Variants in NRG4 observed in about 807,000 individuals in gnomAD.
The protein encoded by NRG4 is neuregulin 4, also known as pro-neuregulin-4, membrane-bound isoform.
NRG4 carries 10 observed loss-of-function variants against 15.0 expected under a neutral mutation model. The observed-to-expected ratio is 0.67, with a 90% CI of 0.41 to 1.13. The LOEUF is 1.13. Ranked by LOEUF, NRG4 falls within the 50% of genes most tolerant of loss-of-function variation. The pLI, the probability that NRG4 is intolerant of heterozygous loss-of-function variation, is 0.00. For synonymous variants in NRG4, 41 were observed against 50.1 expected (o/e 0.82, Z 0.77); for missense variants, 139 against 140.2 (o/e 0.99, Z 0.04).
chr15:75,944,522 G>A (rs1329018293), intron 5 of NRG4, among the ~76,000 whole-genome samples: 1 of 152,176 alleles, frequency 6.6e-6, no homozygotes, highest in Non-Finnish European at 1.5e-5. Flanking sequence ...CACACAAGGC[G>A]ACATGAATAA....
chr15:75,947,204 T>A (rs145844309), intron 5 of NRG4, among the ~76,000 whole-genome samples: 1 of 152,308 alleles, frequency 6.6e-6, no homozygotes, highest in Non-Finnish European at 1.5e-5. Context: ...TCATTATAAT[T>A]GTAAAAAACA....
At chr15:76,011,188 T>C in intron 2 of NRG4, 33 bp downstream of exon 2, 5 of 1,381,168 alleles carry the variant, frequency 3.6e-6, no homozygotes, top group Middle Eastern at 1.9e-4. Context: ...TGGACACATA[T>C]TGACAAAAAC....
Position 76,009,184 on chromosome 15 carries a change from A to T in NRG4, c.104+16T>A. On this transcript the variant is annotated intron_variant, in intron 3 of 5. Transcript: ENST00000394907. ...AAAAATAAAGTTAACATCTCCCCCT[A>T]GTCCATTTCACTCACCTACAAAATG... 1 of 1,197,556 alleles carries T rather than the reference A, an allele frequency of 8.4e-7. No homozygotes were observed. The highest frequency in any genetic ancestry group is 1.3e-6 in the Non-Finnish European group (1 of 799,270). 74.2% of individuals were successfully genotyped at this position (1,197,556 alleles called of 1,614,324 possible). A position where few individuals can be genotyped will look rare whatever the true frequency, so the allele number is the denominator to read the frequency against.
chr15:76,046,216 A>T (rs964108124), intron 4 of NRG4, among the ~76,000 whole-genome samples: 10 of 151,350 alleles, frequency 6.6e-5, no homozygotes, highest in Non-Finnish European at 1.2e-4. Flanking sequence ...ACGCACAAAA[A>T]AGGAAAGATA....
intron 5 of NRG4, among the ~76,000 whole-genome samples, chr15:75,944,533 A>G (rs2031338942): frequency 6.6e-6 from 1 of 152,196 alleles, no homozygotes; most frequent in Non-Finnish European, 1.5e-5. Context: ...ACATGAATAA[A>G]CCTATCGATG....
intron 3 of NRG4, among the ~76,000 whole-genome samples, chr15:75,998,889 T>C (rs182768809): frequency 6.6e-6 from 1 of 152,192 alleles, no homozygotes; most frequent in African/African-American, 2.4e-5. Flanking sequence ...TTTAATTTTT[T>C]ATATTCTTCT....
intron 3 of NRG4, among the ~76,000 whole-genome samples, chr15:76,005,072 T>G (rs2034548415): frequency 6.6e-6 from 1 of 152,098 alleles, no homozygotes; most frequent in Non-Finnish European, 1.5e-5. Flanking sequence ...AAGAAAATGT[T>G]ATTAAGAAAC....
intron 2 of NRG4, among the ~76,000 whole-genome samples, chr15:76,010,763 C>A (rs1372657083): frequency 2.6e-5 from 4 of 152,084 alleles, no homozygotes; most frequent in African/African-American, 9.7e-5. Flanking sequence ...AAGGCGTCAT[C>A]ATATATGGTT....
chr15:76,058,901 T>C (rs1290719293), intron 1 of NRG4, among the ~76,000 whole-genome samples: 1 of 152,182 alleles, frequency 6.6e-6, no homozygotes, highest in African/African-American at 2.4e-5. Context: ...GTACCCATTA[T>C]GGGTGAGGAC....
intron 5 of NRG4, among the ~76,000 whole-genome samples, chr15:75,950,056 A>G (rs2031784095): frequency 6.6e-6 from 1 of 152,178 alleles, no homozygotes; most frequent in Admixed American, 6.5e-5. Flanking sequence ...ATATAGGTCA[A>G]TTTGAGAACT....
chr15:76,055,609 T>C (rs1261669592), intron 2 of NRG4, among the ~76,000 whole-genome samples: 1 of 152,242 alleles, frequency 6.6e-6, no homozygotes, highest in Non-Finnish European at 1.5e-5. Context: ...GACAATTGTA[T>C]GAGTGGGAGT....
chr15:75,976,896 C>T (rs2033389006), intron 3 of NRG4, among the ~76,000 whole-genome samples: 1 of 152,176 alleles, frequency 6.6e-6, no homozygotes, highest in Non-Finnish European at 1.5e-5. Flanking sequence ...AGCCACCAGG[C>T]AGGAACGTTT....
chr15:75,950,207 G>A (rs2141780468), intron 5 of NRG4, among the ~76,000 whole-genome samples: 1 of 151,944 alleles, frequency 6.6e-6, no homozygotes, highest in Admixed American at 6.6e-5. Flanking sequence ...GTATGCTTAT[G>A]TACTTAATAC....
intron 2 of NRG4, among the ~76,000 whole-genome samples, chr15:76,056,487 A>T (rs887772587): frequency 1.3e-4 from 20 of 151,914 alleles, no homozygotes; most frequent in Non-Finnish European, 1.8e-4. Flanking sequence ...AAATAAAAAT[A>T]AAATTAAATT....
intron 5 of NRG4, among the ~76,000 whole-genome samples, chr15:76,035,083 C>G (rs182556137): frequency 6.6e-6 from 1 of 152,338 alleles, no homozygotes; most frequent in East Asian, 1.9e-4. Flanking sequence ...TCTCATCTTT[C>G]TCTGTTAAGT....
At chr15:76,011,344 TA>T (rs2034803626) in intron 1 of NRG4, 58 bp from the exon 2 acceptor site, 1 of 875,820 alleles carries the variant, frequency 1.1e-6, no homozygotes. Flanking sequence ...AAGGGCATTA[TA>T]AAATGTCAAA....
At chr15:75,995,473 T>A (rs1444151289) in intron 3 of NRG4, among the ~76,000 whole-genome samples, 2 of 152,210 alleles carry the variant, frequency 1.3e-5, no homozygotes, top group East Asian at 1.9e-4. Flanking sequence ...AAGCCATTCA[T>A]AAAGGGTCTG....
At position 75,977,506 on chromosome 15, in the gene NRG4, G is replaced by A. The variant is rs1478728073; in HGVS notation, c.105-15532C>T. 6.6e-6 allele frequency among the ~76,000 whole-genome samples: 1 copy of A among 152,200 alleles called. No individual in the cohort carries two copies. Among genetic ancestry groups the A allele is most frequent in the Non-Finnish European group, 1.5e-5 (1 of 68,032 alleles). On this transcript the variant is annotated intron_variant, in intron 3 of 5. Coordinates refer to ENST00000394907, the MANE Select transcript of NRG4 (RefSeq NM_138573.4). This position sits in a 1 kb window ranked among gnomAD's most constrained non-coding sequence, Gnocchi z 4.9. ...TTGCAAAGACCATGGGAAAAGCATA[G>A]CATCTGGGCCAGAATGCACCATTCC...
chr15:76,032,906 C>T (rs1291830369), intron 5 of NRG4, among the ~76,000 whole-genome samples: 1 of 152,178 alleles, frequency 6.6e-6, no homozygotes, highest in African/African-American at 2.4e-5. Flanking sequence ...CATTTCCCAG[C>T]AGTCAGTGAT....
Sources: gnomAD v4.1 joint callset for allele counts (sites outside exome capture counted in the v4.1 genomes callset) on GRCh38, gnomAD v4.1.1 for gene constraint, Gnocchi (gnomAD v3.1) non-coding constraint, MANE v1.5 for transcripts, NCBI Gene and HGNC (gene_info 2026-07-23, HGNC 2026-07-21) for gene names.